PDHX: variants seen among roughly 807,000 people sequenced by gnomAD.
PDHX encodes the protein pyruvate dehydrogenase complex component X.
A neutral mutation model predicts 55.3 loss-of-function variants in PDHX; 33 were observed. The ratio of observed to expected loss-of-function variants is 0.60; its 90% confidence interval spans 0.45 to 0.80. The LOEUF is 0.80. Ranked by LOEUF, PDHX falls within the 30% of genes least tolerant of loss-of-function variation. PDHX has a pLI of 0.00. For synonymous variants in PDHX, 226 were observed against 219.4 expected, an observed-to-expected ratio of 1.03 and a Z score of -0.27; for missense variants, 622 against 619.9, an observed-to-expected ratio of 1.00 and a Z score of -0.04.
intron 3 of PDHX, among the ~76,000 whole-genome samples, chr11:34,953,378 C>T (rs944208501): frequency 2.0e-5 from 3 of 152,108 alleles, no homozygotes; most frequent in Non-Finnish European, 2.9e-5. Flanking sequence ...GAGCCTGCAT[C>T]GCCAAGTCAA....
chr11:34,979,001 C>T (rs578160540), intron 8 of PDHX, among the ~76,000 whole-genome samples: 19 of 152,166 alleles, frequency 1.2e-4, no homozygotes, highest in African/African-American at 4.3e-4. Context: ...GATGAGCTCC[C>T]CTGGGAGGCT....
At chr11:34,963,067 G>A (rs1311338594) in intron 5 of PDHX, among the ~76,000 whole-genome samples, 2 of 152,066 alleles carry the variant, frequency 1.3e-5, no homozygotes, top group Non-Finnish European at 2.9e-5. Flanking sequence ...AAGATTTCAT[G>A]AGAAAAATGG....
chr11:34,961,205 T>A (rs1231871037), intron 5 of PDHX, among the ~76,000 whole-genome samples: 1 of 152,238 alleles, frequency 6.6e-6, no homozygotes, highest in Non-Finnish European at 1.5e-5. Flanking sequence ...ACATTTTAAA[T>A]TAACTTTGTG....
intron 2 of PDHX, among the ~76,000 whole-genome samples, chr11:34,937,994 C>G (rs1051696468): frequency 2.0e-5 from 3 of 152,150 alleles, no homozygotes; most frequent in African/African-American, 4.8e-5. Context: ...CCAAGAACTT[C>G]AGTTAATTGG....
intron 3 of PDHX, among the ~76,000 whole-genome samples, chr11:34,955,432 T>C (rs921275288): frequency 4.6e-5 from 7 of 152,296 alleles, no homozygotes; most frequent in African/African-American, 1.7e-4. Context: ...ATATAGAGAT[T>C]TTAATGACTT....
chr11:34,923,485 C>A (rs557125798), intron 1 of PDHX, among the ~76,000 whole-genome samples: 34 of 152,236 alleles, frequency 2.2e-4, no homozygotes, highest in African/African-American at 8.2e-4. Context: ...GGACTCAGAT[C>A]TCCCTGTAAT....
chr11:34,924,928 C>T (rs1300454406), intron 1 of PDHX, among the ~76,000 whole-genome samples: 1 of 152,058 alleles, frequency 6.6e-6, no homozygotes, highest in Non-Finnish European at 1.5e-5. Flanking sequence ...TCAGTGCCGC[C>T]CTCTGTTTTC....
At chr11:34,961,783 A>G (rs1855025726) in intron 5 of PDHX, among the ~76,000 whole-genome samples, 1 of 151,320 alleles carries the variant, frequency 6.6e-6, no homozygotes, top group Admixed American at 6.5e-5. Context: ...AGTTCGTGCC[A>G]CACTGCATGA....
intron 7 of PDHX, among the ~76,000 whole-genome samples, chr11:34,975,286 G>T (rs1369073962): frequency 6.6e-6 from 1 of 151,688 alleles, no homozygotes. Context: ...ATGGTTTGTT[G>T]TCTTCCTTTA....
chr11:34,978,473 G>C (rs1399891398), intron 8 of PDHX, among the ~76,000 whole-genome samples: 5 of 152,098 alleles, frequency 3.3e-5, no homozygotes, highest in Admixed American at 3.3e-4. Context: ...ATTCTAGTTG[G>C]AGGAGACAAA....
At chr11:34,971,192 A>T (rs533677303) in intron 7 of PDHX, among the ~76,000 whole-genome samples, 32 of 152,222 alleles carry the variant, frequency 2.1e-4, no homozygotes, top group African/African-American at 7.7e-4. Context: ...AATTTGTAAT[A>T]TTTCTTCCAA....
intron 2 of PDHX, among the ~76,000 whole-genome samples, chr11:34,932,900 G>T (rs912492251): frequency 1.3e-5 from 2 of 152,012 alleles, no homozygotes; most frequent in Non-Finnish European, 2.9e-5. Context: ...CCTGTAAAAA[G>T]GAATGAGGAA....
At chr11:34,953,965 A>G (rs1261225139) in intron 3 of PDHX, among the ~76,000 whole-genome samples, 1 of 152,240 alleles carries the variant, frequency 6.6e-6, no homozygotes, top group Non-Finnish European at 1.5e-5. Flanking sequence ...ATTTTAGCTT[A>G]TCATTGGTTT....
intron 3 of PDHX, among the ~76,000 whole-genome samples, chr11:34,952,059 A>G (rs1450205525): frequency 6.6e-6 from 1 of 152,184 alleles, no homozygotes; most frequent in Non-Finnish European, 1.5e-5. Context: ...GAATACTACA[A>G]ACACCTCTAC....
Position 34,995,007 on chromosome 11 carries a change from T to C in PDHX, c.1341T>C (p.Pro447=). 6.2e-7 allele frequency: 1 copy of C among 1,614,054 alleles called. No homozygotes were observed. The highest frequency in any genetic ancestry group is 8.5e-7 in the Non-Finnish European group (1 of 1,179,924). The part of the protein sequence containing the change: ...ACILAVGRFR[P]VLKLTEDEEG... ...TTTTGGCGGTTGGGAGGTTCCGACC[T>C]GTGCTGAAGCTCACTGAGGATGAAG... The change falls in exon 11 of 11, where the codon CCT becomes CCC. Residue 447 remains proline (P), a synonymous_variant. Transcript: ENST00000227868.
At chr11:34,980,352 C>CTTTT (rs57927359) in intron 8 of PDHX, among the ~76,000 whole-genome samples, 4,777 of 74,814 alleles carry the variant, frequency 0.064, 1,048 homozygotes, top group African/African-American at 0.22. Flanking sequence ...AAGATAGTTT[C>CTTTT]TTTTTTTTTT....
chr11:34,951,224 T>C (rs1196133880), intron 3 of PDHX, among the ~76,000 whole-genome samples: 6 of 151,884 alleles, frequency 4.0e-5, no homozygotes, highest in Admixed American at 3.3e-4. Flanking sequence ...GCCCGGCTAA[T>C]TTTTCTGTAT....
chr11:34,934,627 G>A (rs1438425160), intron 2 of PDHX, among the ~76,000 whole-genome samples: 3 of 139,222 alleles, frequency 2.2e-5, no homozygotes, highest in Non-Finnish European at 4.5e-5. Flanking sequence ...GCCCAGCCTG[G>A]AGTATAATGG....
rs35425265 is a variant in PDHX at position 34,931,812 on chromosome 11, TTGTGTG to T, written c.241+362_241+367del. ...TCCTTAATTTATAACTTTATCATGATTGTGTGTGTGTGTGTGTGTGTGTGTGTGTGT... is the reference window on the plus strand; with the variant it reads ...TCCTTAATTTATAACTTTATCATGATTGTGTGTGTGTGTGTGTGTGTGTGT... On this transcript the variant is annotated intron_variant, in intron 2 of 10. Coordinates refer to ENST00000227868, the MANE Select transcript of PDHX (RefSeq NM_003477.3). Among the ~76,000 whole-genome samples, 581 of 146,052 alleles carry T rather than the reference TTGTGTG, an allele frequency of 4.0e-3. 2 individuals carry two copies. Among genetic ancestry groups the T allele is most frequent in the African/African-American group, 6.2e-3 (249 of 40,102 alleles).
Sources: allele counts gnomAD v4.1 joint callset (sites outside exome capture counted in the v4.1 genomes callset), GRCh38; gene constraint gnomAD v4.1.1; transcripts MANE v1.5; gene names NCBI Gene and HGNC (gene_info 2026-07-23, HGNC 2026-07-21).